SMYD3: variants seen among roughly 807,000 people sequenced by gnomAD.
SMYD3 encodes the protein histone-lysine N-methyltransferase SMYD3.
SMYD3 carries 36 observed loss-of-function variants against 57.7 expected under a neutral mutation model. The observed-to-expected ratio is 0.62, with a 90% CI of 0.48 to 0.82. SMYD3 has a LOEUF of 0.82. Among genes scored for constraint, SMYD3 ranks in the 40% least tolerant of loss-of-function variants. The pLI is 0.00. For synonymous variants in SMYD3, 211 were observed against 195.0 expected (o/e 1.08, Z -0.68); for missense variants, 515 against 538.8 (o/e 0.96, Z 0.44).
intron 5 of SMYD3, among the ~76,000 whole-genome samples, chr1:246,282,305 C>CAAAAAAAAAAAAAAAAAAAAAAAAAAA (rs57740230): frequency 4.4e-5 from 3 of 67,930 alleles, no homozygotes; most frequent in Non-Finnish European, 7.6e-5. Context: ...CTCATCTCTA[C>CAAAAAAAAAAAAAAAAAAAAAAAAAAA]AAAAAAAAAA....
At chr1:246,434,993 C>A (rs1441737586) in intron 1 of SMYD3, among the ~76,000 whole-genome samples, 1 of 152,134 alleles carries the variant, frequency 6.6e-6, no homozygotes, top group Non-Finnish European at 1.5e-5. Flanking sequence ...AAAAAAAGAA[C>A]AAAATCATGT....
chr1:246,126,772 A>G (rs1353362615), intron 5 of SMYD3, among the ~76,000 whole-genome samples: 3 of 152,364 alleles, frequency 2.0e-5, no homozygotes, highest in East Asian at 1.9e-4. Flanking sequence ...CATTGCAAGT[A>G]GGTCCAAACA....
chr1:245,939,132 G>C (rs996771138), intron 5 of SMYD3, among the ~76,000 whole-genome samples: 1 of 149,884 alleles, frequency 6.7e-6, no homozygotes, highest in Non-Finnish European at 1.5e-5. Context: ...GACAGAGCGA[G>C]ACTCCATCTC....
intron 5 of SMYD3, among the ~76,000 whole-genome samples, chr1:246,125,520 TAAAC>T (rs71661077): frequency 0.084 from 12,705 of 152,064 alleles, 1,077 homozygotes; most frequent in African/African-American, 0.21. Context: ...TAAAGAGGAA[TAAAC>T]AAATAAAATT....
intron 5 of SMYD3, among the ~76,000 whole-genome samples, chr1:246,152,375 T>C (rs1376992852): frequency 2.0e-5 from 3 of 152,214 alleles, no homozygotes; most frequent in Non-Finnish European, 4.4e-5. Context: ...TCATTGGCTA[T>C]GTGAAGACCG....
chr1:246,479,558 A>G (rs2068076579), intron 1 of SMYD3, among the ~76,000 whole-genome samples: 1 of 125,862 alleles, frequency 7.9e-6, no homozygotes, highest in South Asian at 2.6e-4. Flanking sequence ...CCCACGCTGG[A>G]GTGCAGTGGC....
chr1:246,451,805 G>GT lies in SMYD3; in HGVS notation c.164+55248dup, dbSNP rs1319443553. On this transcript the variant is annotated intron_variant, in intron 1 of 11. Transcript: ENST00000490107. ...GTAGTTAAAACTACTCTAAAAAGTAGTTTTTTTTAGTCAATAAAATTTTTT... is the reference window on the plus strand; with the variant it reads ...GTAGTTAAAACTACTCTAAAAAGTAGTTTTTTTTTAGTCAATAAAATTTTTT... Among the ~76,000 whole-genome samples the GT allele has an allele frequency of 4.6e-5, 7 of 152,138 alleles. No individual in the cohort carries two copies. The East Asian group carries it at 5.8e-4, about 13-fold the overall frequency.
chr1:246,490,596 G>C (rs964513163), intron 1 of SMYD3, among the ~76,000 whole-genome samples: 1 of 152,174 alleles, frequency 6.6e-6, no homozygotes, highest in Non-Finnish European at 1.5e-5. Flanking sequence ...CTGAGGGCTG[G>C]ACTCAATGGC....
chr1:245,893,853 A>G (rs2053557692), intron 8 of SMYD3, among the ~76,000 whole-genome samples: 1 of 152,166 alleles, frequency 6.6e-6, no homozygotes, highest in Non-Finnish European at 1.5e-5. Flanking sequence ...TGCAAATTAC[A>G]CTCCAATTCT....
At chr1:246,463,661 C>CAAAAAA (rs35482116) in intron 1 of SMYD3, among the ~76,000 whole-genome samples, 176 of 73,058 alleles carry the variant, frequency 2.4e-3, no homozygotes, top group African/African-American at 6.9e-3. Context: ...ACTAAAAATA[C>CAAAAAA]AAAAAAAAAA....
At chr1:246,258,209 G>A (rs984408654) in intron 5 of SMYD3, among the ~76,000 whole-genome samples, 1 of 152,016 alleles carries the variant, frequency 6.6e-6, no homozygotes, top group Non-Finnish European at 1.5e-5. Flanking sequence ...GCTAATTTTT[G>A]TATTTTTAGT....
intron 5 of SMYD3, among the ~76,000 whole-genome samples, chr1:246,323,570 T>C (rs1481792612): frequency 1.3e-5 from 2 of 152,122 alleles, no homozygotes; most frequent in Non-Finnish European, 2.9e-5. Context: ...CGAAATATGC[T>C]CTCGGGATTA....
At chr1:246,081,470 A>G (rs191103494) in intron 5 of SMYD3, among the ~76,000 whole-genome samples, 1 of 152,126 alleles carries the variant, frequency 6.6e-6, no homozygotes, top group East Asian at 1.9e-4. Flanking sequence ...TTTGCTCACC[A>G]CAACCCCTGC....
chr1:245,872,654 A>G (rs1405230284), intron 8 of SMYD3, among the ~76,000 whole-genome samples: 1 of 152,202 alleles, frequency 6.6e-6, no homozygotes, highest in Non-Finnish European at 1.5e-5. Context: ...GCTCTGTTCC[A>G]TTTCACTTTA....
intron 5 of SMYD3, among the ~76,000 whole-genome samples, chr1:246,108,868 A>T (rs1261428653): frequency 6.6e-6 from 1 of 151,630 alleles, no homozygotes; most frequent in Non-Finnish European, 1.5e-5. Flanking sequence ...CTTTGCACAC[A>T]CTCTTCTCTT....
chr1:246,501,496 A>G (rs2103078040), intron 1 of SMYD3, among the ~76,000 whole-genome samples: 1 of 152,330 alleles, frequency 6.6e-6, no homozygotes, highest in Admixed American at 6.5e-5. Flanking sequence ...AAGCATGTAC[A>G]TATCAAGTCA....
intron 5 of SMYD3, chr1:246,035,475 G>C (rs968617726): frequency 6.6e-6 from 1 of 152,252 alleles, no homozygotes; most frequent in African/African-American, 2.4e-5. Flanking sequence ...CCTTTTGACT[G>C]ACTCCAGCAG....
intron 5 of SMYD3, chr1:246,306,105 T>C (rs2064973066): frequency 6.6e-6 from 1 of 152,154 alleles, no homozygotes; most frequent in Admixed American, 6.5e-5. Context: ...TCCCAGCACA[T>C]TGGGAGGCGG....
At chr1:246,169,121 A>G (rs1184890448) in intron 5 of SMYD3, among the ~76,000 whole-genome samples, 1 of 152,106 alleles carries the variant, frequency 6.6e-6, no homozygotes, top group Non-Finnish European at 1.5e-5. Flanking sequence ...GTCCGTCCCT[A>G]CATCCCTCCC....
Sources: allele counts gnomAD v4.1 joint callset (sites outside exome capture counted in the v4.1 genomes callset), GRCh38; gene constraint gnomAD v4.1.1; transcripts MANE v1.5; gene names NCBI Gene and HGNC (gene_info 2026-07-23, HGNC 2026-07-21).